The following RIBC1 variants were observed in gnomAD, a reference collection of about 807,000 sequenced individuals.
The protein encoded by RIBC1 is RIB43A domain with coiled-coils 1, also known as RIB43A-like with coiled-coils protein 1.
In RIBC1, 12 loss-of-function variants were observed where a neutral mutation model predicts 33.7. The observed-to-expected ratio is 0.36, with a 90% CI of 0.23 to 0.58. RIBC1 has a LOEUF of 0.58. RIBC1 is among the 20% of genes least tolerant of loss of function. RIBC1 has a pLI of 0.81. For missense variants in RIBC1, 242 were observed against 311.6 expected (o/e 0.78, Z 1.68); for synonymous variants, 89 against 109.0 (o/e 0.82, Z 1.14).
intron 5 of RIBC1, chrX:53,429,611 A>G (rs1569364519): frequency 2.6e-5 from 23 of 873,139 alleles, no homozygotes; most frequent in Middle Eastern, 9.4e-4. Context: ...CCAAAATCAC[A>G]CAGCTCAGAA....
At chrX:53,426,142 C>G in intron 2 of RIBC1, 135 bp from the exon 3 acceptor site, 1 of 463,909 alleles carries the variant, frequency 2.2e-6, no homozygotes, top group Non-Finnish European at 3.8e-6. Context: ...GGCACAGATA[C>G]GAAATATATC....
intron 3 of RIBC1, 57 bp from the exon 4 acceptor site, chrX:53,427,946 C>CA (rs1180793899): frequency 1.0e-6 from 1 of 986,073 alleles, no homozygotes; most frequent in Non-Finnish European, 1.4e-6. Flanking sequence ...TGTGGTAGGA[C>CA]ATTGAAGGCC....
At chrX:53,426,143 G>A (rs1194420323) in intron 2 of RIBC1, 134 bp from the exon 3 acceptor site, 7 of 467,686 alleles carry the variant, frequency 1.5e-5, no homozygotes, top group African/African-American at 4.8e-5. Flanking sequence ...GCACAGATAC[G>A]AAATATATCA....
intron 2 of RIBC1, among the ~76,000 whole-genome samples, chrX:53,424,832 G>A (rs1003386768): frequency 2.3e-4 from 24 of 105,838 alleles, no homozygotes; most frequent in African/African-American, 7.9e-4. Context: ...TTGGGAGGCC[G>A]AGGCAGGAGA....
Position 53,428,386 on chromosome X carries a change from G to A in RIBC1, c.303G>A (p.Gln101=). 8.3e-7 allele frequency: 1 copy of A among 1,211,850 alleles called. No individual in the cohort carries two copies. Among genetic ancestry groups the A allele is most frequent in the African/African-American group, 1.7e-5 (1 of 57,855 alleles). The change falls in exon 5 of 8, where the codon CAG becomes CAA. Residue 101 remains glutamine (Q), a synonymous_variant. Transcript: ENST00000375327. ...LAKKVQEFRE[Q]KQQLKNGREF... ...AGAAAGTCCAGGAGTTTCGGGAGCA[G>A]AAGCAGCAGCTCAAGAACGGGCGTG...
intron 2 of RIBC1, among the ~76,000 whole-genome samples, chrX:53,425,957 C>T (rs1013022339): frequency 7.1e-5 from 8 of 111,983 alleles, no homozygotes; most frequent in Middle Eastern, 4.6e-3. Context: ...AAAGGCTTTA[C>T]GCTGAGGAGT....
In RIBC1 at chrX:53,430,647, A is replaced by G; in HGVS notation, c.915A>G (p.Thr305=). 1.7e-6 allele frequency: 2 copies of G among 1,206,299 alleles called. No individual in the cohort carries two copies. The highest frequency in any genetic ancestry group is 5.9e-5 in the East Asian group (2 of 33,762). Residue 305 remains threonine (T), a synonymous_variant, in exon 7 of 8, where the codon ACA becomes ACG. Coordinates refer to ENST00000375327, the MANE Select transcript of RIBC1 (RefSeq NM_001031745.5). ...KKQAHRQAEK[T]LDTEWKSQTM... Reference sequence around the variant, plus strand: ...AAGCACACCGTCAGGCTGAGAAAACACTGGATACTGAATGGAAAAGCCAGA... The same window carrying G: ...AAGCACACCGTCAGGCTGAGAAAACGCTGGATACTGAATGGAAAAGCCAGA...
At chrX:53,428,178 T>G (rs1160733341) in intron 4 of RIBC1, 94 bp downstream of exon 4, 2 of 1,198,958 alleles carry the variant, frequency 1.7e-6, no homozygotes, top group East Asian at 5.9e-5. Flanking sequence ...CCTGAGGCCC[T>G]GGGGTGGTGG....
intron 3 of RIBC1, among the ~76,000 whole-genome samples, chrX:53,427,437 A>G: frequency 1.8e-5 from 2 of 112,500 alleles, no homozygotes; most frequent in Middle Eastern, 9.1e-3. Flanking sequence ...CCAGCTGACA[A>G]GCTGACAAGC....
intron 2 of RIBC1, among the ~76,000 whole-genome samples, chrX:53,425,536 A>AAT (rs1425681097): frequency 9.3e-6 from 1 of 108,105 alleles, no homozygotes; most frequent in Admixed American, 1.0e-4. Context: ...AAAAAAAAAA[A>AAT]AAAAAGGGTG....
chrX:53,428,754 A>G (rs782385077), intron 5 of RIBC1, 127 bp downstream of exon 5: 1 of 1,120,587 alleles, frequency 8.9e-7, no homozygotes, highest in Non-Finnish European at 1.2e-6. Flanking sequence ...TTGGTGCTGA[A>G]ATGTTAGGTT....
chrX:53,430,330 C>T, intron 6 of RIBC1, 66 bp from the exon 7 acceptor site: 1 of 943,909 alleles, frequency 1.1e-6, no homozygotes, highest in Non-Finnish European at 1.5e-6. Context: ...CCATGTTCCC[C>T]CCTCCCCTGT....
rs782478943 is a variant in RIBC1 at position 53,430,842 on chromosome X, G to A, written c.1058+52G>A. ...ATAAATGCCAAGGGAGGGAGAGGAG[G>A]GATGGTGAGGAACCATGGAGAGAGG... On this transcript the variant is annotated intron_variant, in intron 7 of 7. Coordinates refer to ENST00000375327, the MANE Select transcript of RIBC1 (RefSeq NM_001031745.5). 2.0e-5 allele frequency: 24 copies of A among 1,204,712 alleles called. No homozygotes were observed. In the Admixed American group the frequency reaches 4.4e-4, roughly 22 times the overall value.
Position 53,430,743 on chromosome X carries a change from G to A in RIBC1, c.1011G>A (p.Arg337=). 1 of 1,205,174 alleles carries A rather than the reference G, an allele frequency of 8.3e-7. No homozygotes were observed. Among genetic ancestry groups the A allele is most frequent in the Non-Finnish European group, 1.1e-6 (1 of 891,814 alleles). The change falls in exon 7 of 8, where the codon AGG becomes AGA. Residue 337 remains arginine (R), a synonymous_variant. Transcript: ENST00000375327. ...QERELCAVFQ[R]GLGSFNQQLA... is the part of the protein sequence containing the mutation. ...GGGAATTGTGTGCTGTATTTCAAAG[G>A]GGTCTAGGATCCTTCAACCAGCAGC...
chrX:53,430,329 CCCCTCCCCTGTGA>C (rs1231634544), intron 6 of RIBC1, 54 bp from the exon 7 acceptor site: 21 of 933,198 alleles, frequency 2.3e-5, no homozygotes. Flanking sequence ...GCCATGTTCC[CCCCTCCCCTGTGA>C]CAGAGTTCCC....
chrX:53,424,896 A>T (rs1316590775), intron 2 of RIBC1, among the ~76,000 whole-genome samples: 1 of 106,943 alleles, frequency 9.4e-6, no homozygotes, highest in Non-Finnish European at 1.9e-5. Flanking sequence ...CATCTATATT[A>T]AAAAAAATTA....
At chrX:53,430,040 G>A in intron 6 of RIBC1, 68 bp downstream of exon 6, 9 of 917,192 alleles carry the variant, frequency 9.8e-6, no homozygotes, top group Non-Finnish European at 1.4e-5. Flanking sequence ...GAGAACCTTA[G>A]CCATATTCTT....
At chrX:53,426,800 A>G (rs1452722236) in intron 3 of RIBC1, among the ~76,000 whole-genome samples, 1 of 112,229 alleles carries the variant, frequency 8.9e-6, no homozygotes, top group Non-Finnish European at 1.9e-5. Flanking sequence ...AGCCTGGCCA[A>G]CGTGGTGAAA....
chrX:53,429,016 T>G, intron 5 of RIBC1: 1 of 212,260 alleles, frequency 4.7e-6, no homozygotes, highest in Admixed American at 6.8e-5. Flanking sequence ...CATCCTTCTC[T>G]TCCATTAGAA....
Sources: allele counts gnomAD v4.1 joint callset (sites outside exome capture counted in the v4.1 genomes callset), GRCh38; gene constraint gnomAD v4.1.1; transcripts MANE v1.5; gene names NCBI Gene and HGNC (gene_info 2026-07-23, HGNC 2026-07-21).